ARID3A: variants seen among roughly 807,000 people sequenced by gnomAD.
The protein encoded by ARID3A is AT-rich interaction domain 3A.
A neutral mutation model predicts 52.7 loss-of-function variants in ARID3A; 11 were observed. That is an observed-to-expected ratio of 0.21 (90% CI 0.13 to 0.35). ARID3A has a LOEUF of 0.35. Ranked by LOEUF, ARID3A falls within the 10% of genes least tolerant of loss-of-function variation. The pLI is 1.00. For synonymous variants in ARID3A, 404 were observed against 359.4 expected, an observed-to-expected ratio of 1.12 and a Z score of -1.40; for missense variants, 721 against 838.5, an observed-to-expected ratio of 0.86 and a Z score of 1.73.
intron 3 of ARID3A, among the ~76,000 whole-genome samples, chr19:956,242 TCCTGTCCCCCTCTCCGC>T (rs906516420): frequency 1.2e-4 from 18 of 152,032 alleles, no homozygotes; most frequent in South Asian, 8.3e-4. Flanking sequence ...GGCAAGCTCG[TCCTGTCCCCCTCTCCGC>T]CCTGTCCCCC....
chr19:971,970 G>T lies in ARID3A; in HGVS notation c.1687G>T (p.Gly563Cys). Residue 563 changes from glycine to cysteine, a missense_variant, in exon 9 of 9, where the codon GGC becomes TGC. Transcript: ENST00000263620. ...CGGCGGCAGCAGCAGCAACGCAGGC[G>T]GCCGGGGAGGAAACACCGGAACCAG... ...GGGGSSSNAG[G>C]RGGNTGTSGG... is the part of the protein sequence containing the mutation. 1.9e-6 allele frequency: 3 copies of T among 1,602,386 alleles called. No individual in the cohort carries two copies.
chr19:954,041 G>A (rs936086927), intron 3 of ARID3A, among the ~76,000 whole-genome samples: 4 of 152,142 alleles, frequency 2.6e-5, no homozygotes, highest in South Asian at 2.1e-4. Flanking sequence ...GTGACAGAGC[G>A]AGACCCTGTC....
At chr19:933,500 G>A (rs939978985) in intron 3 of ARID3A, among the ~76,000 whole-genome samples, 11 of 152,196 alleles carry the variant, frequency 7.2e-5, no homozygotes, top group Non-Finnish European at 1.0e-4. Flanking sequence ...CTCTGGGCGC[G>A]GCTGGGGGGA....
At position 938,098 on chromosome 19, in the gene ARID3A, C is replaced by T. The variant is rs925653653; in HGVS notation, c.693+5356C>T. 6.6e-6 allele frequency among the ~76,000 whole-genome samples: 1 copy of T among 152,092 alleles called. No homozygotes were observed. Among genetic ancestry groups the T allele is most frequent in the Non-Finnish European group, 1.5e-5 (1 of 68,018 alleles). On this transcript the variant is annotated intron_variant, in intron 3 of 8. Transcript: ENST00000263620. This position sits in a 1 kb window ranked among gnomAD's most constrained non-coding sequence, Gnocchi z 4.0. The stretch of plus-strand genomic sequence containing the variant: ...ACCTCAGGTGATCCTCACACCTCAG[C>T]GTCCCAGAGTGCTGGGATCACAGAC...
intron 6 of ARID3A, 76 bp downstream of exon 6, chr19:965,156 C>T: frequency 6.9e-7 from 1 of 1,450,460 alleles, no homozygotes; most frequent in Non-Finnish European, 9.2e-7. Flanking sequence ...GGGGATACCT[C>T]TTCCCCTCTC....
chr19:954,716 C>T (rs1477886793), intron 3 of ARID3A, among the ~76,000 whole-genome samples: 1 of 151,986 alleles, frequency 6.6e-6, no homozygotes, highest in African/African-American at 2.4e-5. Context: ...GGACGGGGGG[C>T]TCCCCTCCAG....
At chr19:967,285 TG>T (rs1353418758) in intron 7 of ARID3A, among the ~76,000 whole-genome samples, 1 of 151,170 alleles carries the variant, frequency 6.6e-6, no homozygotes, top group African/African-American at 2.4e-5. Context: ...TAAAGTAAAC[TG>T]GCTGGGCACC....
chr19:927,625 G>T (rs983510744), intron 1 of ARID3A, among the ~76,000 whole-genome samples: 1 of 151,610 alleles, frequency 6.6e-6, no homozygotes, highest in Non-Finnish European at 1.5e-5. Context: ...TGTCCCAGGT[G>T]GGGGAGGGGC....
chr19:933,378 G>A (rs1406875905), intron 3 of ARID3A, among the ~76,000 whole-genome samples: 1 of 152,206 alleles, frequency 6.6e-6, no homozygotes, highest in Non-Finnish European at 1.5e-5. Context: ...GCCAGAGGAA[G>A]TGGCCGGGCG....
chr19:964,282 A>G lies in ARID3A; in HGVS notation c.801A>G (p.Lys267=), dbSNP rs2038101456. 11 of 1,613,606 alleles carry G rather than the reference A, an allele frequency of 6.8e-6. No individual in the cohort carries two copies. The highest frequency in any genetic ancestry group is 9.3e-6 in the Non-Finnish European group (11 of 1,179,754). Residue 267 remains lysine, a synonymous_variant, in exon 5 of 9, where the codon AAA becomes AAG. Coordinates refer to ENST00000263620, the MANE Select transcript of ARID3A (RefSeq NM_005224.3). The surrounding 1 kb of genome is among the most constrained non-coding windows in gnomAD (Gnocchi z 5.7). ...TPVNRIPIMA[K]QVLDLFMLYV... ...TGAACCGCATCCCCATCATGGCCAA[A>G]CAGGTCCTTGACCTGTTCATGCTGT...
chr19:964,078 C>T lies in ARID3A; in HGVS notation c.767-170C>T, dbSNP rs2038097377. Among the ~76,000 whole-genome samples the T allele has an allele frequency of 1.3e-5, 2 of 152,190 alleles. No individual in the cohort carries two copies. The highest frequency in any genetic ancestry group is 6.5e-5 in the Admixed American group (1 of 15,276). On this transcript the variant is annotated intron_variant, in intron 4 of 8. Coordinates refer to ENST00000263620, the MANE Select transcript of ARID3A (RefSeq NM_005224.3). The surrounding 1 kb of genome is among the most constrained non-coding windows in gnomAD (Gnocchi z 5.7). ...CACCCTCTCGAGCAGAGGTTCCCAGCCTGGATGATCCTGCACCCACAGAGG... is the reference window on the plus strand; with the variant it reads ...CACCCTCTCGAGCAGAGGTTCCCAGTCTGGATGATCCTGCACCCACAGAGG...
chr19:935,043 C>T (rs1007926335), intron 3 of ARID3A, among the ~76,000 whole-genome samples: 11 of 152,226 alleles, frequency 7.2e-5, no homozygotes, highest in Admixed American at 1.3e-4. Context: ...TGTTACCTCC[C>T]GCCCGGCCCC....
chr19:953,389 C>A (rs2037843455), intron 3 of ARID3A, among the ~76,000 whole-genome samples: 1 of 152,168 alleles, frequency 6.6e-6, no homozygotes, highest in Admixed American at 6.5e-5. Context: ...AGCCCCGCCA[C>A]CCTCTCTCCT....
intron 3 of ARID3A, among the ~76,000 whole-genome samples, chr19:935,722 G>A (rs2037425269): frequency 6.6e-6 from 1 of 151,510 alleles, no homozygotes; most frequent in African/African-American, 2.5e-5. Context: ...GCCCTCCTTG[G>A]CCTCCCAAAG....
intron 3 of ARID3A, among the ~76,000 whole-genome samples, chr19:954,622 C>T (rs1188517118): frequency 3.9e-5 from 6 of 152,118 alleles, no homozygotes; most frequent in Admixed American, 1.3e-4. Flanking sequence ...CAAGGGGGGC[C>T]GTGAGCCAGA....
In ARID3A at chr19:964,896, C is replaced by G. The variant is rs760622694; in HGVS notation, c.1014C>G (p.Leu338=). 154 of 1,613,852 alleles carry G rather than the reference C, an allele frequency of 9.5e-5. No homozygotes were observed. The South Asian group carries it at 1.6e-3, about 17-fold the overall frequency. The change falls in exon 6 of 9, where the codon CTC becomes CTG. Residue 338 remains leucine (L), a synonymous_variant. Transcript: ENST00000263620. The surrounding 1 kb of genome is among the most constrained non-coding windows in gnomAD (Gnocchi z 5.7). ...GGGGCCTCAGTAACCCCAATGAGCT[C>G]CAGGCAGCCATAGACAGCAACCGAC... ...EKRGLSNPNE[L]QAAIDSNRRE...
In ARID3A at chr19:947,078, A is replaced by T. The variant is rs1015856985; in HGVS notation, c.694-13014A>T. Among the ~76,000 whole-genome samples the T allele has an allele frequency of 1.3e-5, 2 of 150,684 alleles. No homozygotes were observed. Among genetic ancestry groups the T allele is most frequent in the Non-Finnish European group, 2.9e-5 (2 of 67,848 alleles). ...CCACAGTGCTGGGATCAAAGGTGGGAGCCACTGTGCCCAGCCCACACTGAG... is the reference window on the plus strand; with the variant it reads ...CCACAGTGCTGGGATCAAAGGTGGGTGCCACTGTGCCCAGCCCACACTGAG... On this transcript the variant is annotated intron_variant, in intron 3 of 8. Transcript: ENST00000263620. The surrounding 1 kb of genome is among the most constrained non-coding windows in gnomAD (Gnocchi z 6.3).
rs1284074610 is a variant in ARID3A, at chr19:941,598, T to C, written c.693+8856T>C. On this transcript the variant is annotated intron_variant, in intron 3 of 8. Transcript: ENST00000263620. This position sits in a 1 kb window ranked among gnomAD's most constrained non-coding sequence, Gnocchi z 6.9. ...TCCTTTGTGAATGTCTATGTTGGGG[T>C]GATGATCTCCTGTGTGTGCATTTTT... Among the ~76,000 whole-genome samples, 1 of 151,998 alleles carries C rather than the reference T, an allele frequency of 6.6e-6. No homozygotes were observed. The highest frequency in any genetic ancestry group is 1.5e-5 in the Non-Finnish European group (1 of 68,008).
At chr19:949,052 G>T (rs774892537) in intron 3 of ARID3A, among the ~76,000 whole-genome samples, 2 of 152,134 alleles carry the variant, frequency 1.3e-5, no homozygotes, top group Non-Finnish European at 2.9e-5. Context: ...GGCTGCGGGG[G>T]TGCACTCTGG....
Sources: gnomAD v4.1 joint callset for allele counts (sites outside exome capture counted in the v4.1 genomes callset) on GRCh38, gnomAD v4.1.1 for gene constraint, Gnocchi (gnomAD v3.1) non-coding constraint, MANE v1.5 for transcripts, NCBI Gene and HGNC (gene_info 2026-07-23, HGNC 2026-07-21) for gene names.